TEAD2: variants seen among roughly 807,000 people sequenced by gnomAD.
The protein encoded by TEAD2 is TEA domain transcription factor 2.
TEAD2 carries 51 observed loss-of-function variants against 61.4 expected under a neutral mutation model. That is an observed-to-expected ratio of 0.83 (90% CI 0.66 to 1.05). The LOEUF is 1.05. TEAD2 is among the 50% of genes least tolerant of loss of function. The pLI is 0.00. For synonymous variants in TEAD2, 244 were observed against 243.2 expected, an observed-to-expected ratio of 1.00 and a Z score of -0.03; for missense variants, 509 against 600.0, an observed-to-expected ratio of 0.85 and a Z score of 1.58.
intron 7 of TEAD2, 114 bp from the exon 8 acceptor site, chr19:49,351,479 C>T: frequency 1.0e-6 from 1 of 968,230 alleles, no homozygotes; most frequent in South Asian, 1.6e-5. Flanking sequence ...TGCACAATCT[C>T]ACTGAAGCCT....
intron 10 of TEAD2, among the ~76,000 whole-genome samples, chr19:49,344,841 A>C (rs1369841343): frequency 6.6e-6 from 1 of 152,148 alleles, no homozygotes; most frequent in Non-Finnish European, 1.5e-5. Context: ...CCCAGTGGCC[A>C]AGTGTGTGTA....
intron 3 of TEAD2, among the ~76,000 whole-genome samples, chr19:49,358,652 G>A (rs922067732): frequency 2.4e-4 from 27 of 111,692 alleles, no homozygotes; most frequent in Non-Finnish European, 4.7e-4. Flanking sequence ...TTTTTTTTTT[G>A]AGGTGGAGTC....
chr19:49,361,160 G>A (rs954263046), intron 1 of TEAD2, among the ~76,000 whole-genome samples: 143 of 95,982 alleles, frequency 1.5e-3, no homozygotes, highest in East Asian at 2.0e-3. Context: ...GAGACCGGGG[G>A]GGGGGGACAG....
rs1245713761 is a variant in TEAD2 at position 49,355,165 on chromosome 19, G to A, written c.522C>T (p.Pro174=). Residue 174 remains proline (P), a synonymous_variant, in exon 7 of 13, where the codon CCC becomes CCT. Transcript: ENST00000593945. The part of the protein sequence containing the change: ...LFQFWSGGSG[P]PWNVPDVKPF... ...GTACTCACTCTGGAACATTCCAGGG[G>A]GGCCCAGATCCTCCAGACCAAAACT... 1.2e-6 allele frequency: 2 copies of A among 1,610,656 alleles called. No individual in the cohort carries two copies. The highest frequency in any genetic ancestry group is 2.7e-5 in the African/African-American group (2 of 74,858).
At chr19:49,342,389 T>C in intron 12 of TEAD2, 49 bp downstream of exon 12, 1 of 1,600,292 alleles carries the variant, frequency 6.2e-7, no homozygotes. Context: ...TTATAGGTAC[T>C]GTCCCTCCAC....
chr19:49,344,346 T>A (rs961999450), intron 10 of TEAD2, among the ~76,000 whole-genome samples: 2 of 151,938 alleles, frequency 1.3e-5, no homozygotes, highest in African/African-American at 4.8e-5. Flanking sequence ...AATGCCGCGA[T>A]CTTGACTCAC....
At position 49,347,258 on chromosome 19, in the gene TEAD2, T is replaced by G. The variant is rs750015569; in HGVS notation, c.853A>C (p.Lys285Gln). The part of the protein sequence containing the change: ...VRQIYDKFPE[K>Q]KGGLRELYDR... ...TATAGCTCTCGGAGGCCACCCTTTT[T>G]CTCAGGGAATTTGTCGTAGATCTGC... The change falls in exon 10 of 13, where the codon AAA becomes CAA. Residue 285 changes from lysine (K) to glutamine (Q), a missense_variant. Physicochemically the swap from Lys to Gln is moderately conservative, Grantham distance 53. Coordinates refer to ENST00000593945, the MANE Select transcript of TEAD2 (RefSeq NM_001256660.2). 6.2e-6 allele frequency: 10 copies of G among 1,614,110 alleles called. No homozygotes were observed. The highest frequency in any genetic ancestry group is 7.6e-6 in the Non-Finnish European group (9 of 1,180,012).
At chr19:49,360,752 GGGAGGGGGAC>G (rs1972798550) in intron 1 of TEAD2, among the ~76,000 whole-genome samples, 2 of 85,234 alleles carry the variant, frequency 2.3e-5, no homozygotes, top group African/African-American at 4.1e-5. Flanking sequence ...GACCCAGAGA[GGGAGGGGGAC>G]AGAGACCCAG....
chr19:49,353,684 G>A (rs1347045777), intron 7 of TEAD2, among the ~76,000 whole-genome samples: 2 of 150,200 alleles, frequency 1.3e-5, no homozygotes, highest in Non-Finnish European at 3.0e-5. Context: ...TCAGCCCCCA[G>A]GTACTTGATC....
At position 49,341,166 on chromosome 19, in the gene TEAD2, G is replaced by T. The variant is rs1396319446; in HGVS notation, c.*158C>A. The stretch of plus-strand genomic sequence containing the variant: ...TCAGCTCTCCAACCAAGTTTTGGGG[G>T]CCCCTCTAATGGGGGGGATGGCCCC... On this transcript the variant is annotated 3_prime_UTR_variant, in exon 13 of 13. Transcript: ENST00000593945. This position sits in a 1 kb window ranked among gnomAD's most constrained non-coding sequence, Gnocchi z 4.2. 1 of 634,916 alleles carries T rather than the reference G, an allele frequency of 1.6e-6. No individual in the cohort carries two copies. The highest frequency in any genetic ancestry group is 1.8e-5 in the African/African-American group (1 of 54,486). The allele number at this position is 634,916 out of a possible 1,614,324, so 39.3% of individuals were successfully genotyped here.
In TEAD2 at chr19:49,359,618, C is replaced by T; in HGVS notation, c.233-119G>A. The T allele has an allele frequency of 8.1e-7, 1 of 1,232,958 alleles. No individual in the cohort carries two copies. The highest frequency in any genetic ancestry group is 1.2e-6 in the Non-Finnish European group (1 of 850,118). The allele number at this position is 1,232,958 out of a possible 1,614,324, so 76.4% of individuals were successfully genotyped here. On this transcript the variant is annotated intron_variant, in intron 2 of 12. Transcript: ENST00000593945. The surrounding 1 kb of genome is among the most constrained non-coding windows in gnomAD (Gnocchi z 4.1). ...CCAAAGGTCTGCAGCAAGTGGGCTGCCGGTCCCCTCAGCTACGTGGAAGCC... is the reference window on the plus strand; with the variant it reads ...CCAAAGGTCTGCAGCAAGTGGGCTGTCGGTCCCCTCAGCTACGTGGAAGCC...
intron 7 of TEAD2, among the ~76,000 whole-genome samples, chr19:49,354,331 C>T (rs1972232107): frequency 6.6e-6 from 1 of 151,584 alleles, no homozygotes; most frequent in Admixed American, 6.6e-5. Context: ...TAGCAAGACC[C>T]CCGTCTCTAC....
intron 8 of TEAD2, among the ~76,000 whole-genome samples, chr19:49,350,718 C>T (rs1971961356): frequency 5.3e-5 from 8 of 152,206 alleles, no homozygotes; most frequent in Admixed American, 4.6e-4. Context: ...AACATACCTC[C>T]CCCATGTCTC....
rs1318076810 is a variant in TEAD2 at position 49,357,252 on chromosome 19, C to T, written c.360G>A (p.Lys120=). The T allele has an allele frequency of 6.2e-7, 1 of 1,613,384 alleles. No homozygotes were observed. Among genetic ancestry groups the T allele is most frequent in the Non-Finnish European group, 8.5e-7 (1 of 1,179,834 alleles). Reference sequence around the variant, plus strand: ...TCAGGATGTCTGCATTGGTCCCTACCTTCAACTTGGACTGGATTTCCCTTG... The same window carrying T: ...TCAGGATGTCTGCATTGGTCCCTACTTTCAACTTGGACTGGATTTCCCTTG... ...RKSREIQSKL[K]ALNVDQVSKD... Residue 120 remains lysine (K), a splice_region_variant and synonymous_variant, in exon 4 of 13, where the codon AAG becomes AAA. Coordinates refer to ENST00000593945, the MANE Select transcript of TEAD2 (RefSeq NM_001256660.2).
intron 7 of TEAD2, among the ~76,000 whole-genome samples, chr19:49,353,899 C>T (rs1972185425): frequency 6.6e-6 from 1 of 151,584 alleles, no homozygotes; most frequent in Non-Finnish European, 1.5e-5. Flanking sequence ...TCCTGCCTCA[C>T]CCTCCTGAGT....
intron 3 of TEAD2, among the ~76,000 whole-genome samples, chr19:49,358,456 C>T (rs1163520587): frequency 6.6e-6 from 1 of 151,962 alleles, no homozygotes; most frequent in East Asian, 1.9e-4. Flanking sequence ...TAAAAAGAGT[C>T]TGGGACCTCT....
chr19:49,353,962 T>A (rs1432089486), intron 7 of TEAD2, among the ~76,000 whole-genome samples: 58 of 150,976 alleles, frequency 3.8e-4, no homozygotes, highest in Non-Finnish European at 5.9e-4. Flanking sequence ...TTTTTGTTTT[T>A]TTTTTTTTGG....
intron 7 of TEAD2, among the ~76,000 whole-genome samples, chr19:49,353,355 T>C (rs983186222): frequency 1.1e-4 from 16 of 151,986 alleles, no homozygotes; most frequent in Admixed American, 1.3e-4. Context: ...CTCCTTGGCC[T>C]CCCAAAGTGC....
intron 10 of TEAD2, among the ~76,000 whole-genome samples, chr19:49,345,874 C>A (rs1971595507): frequency 6.6e-6 from 1 of 151,702 alleles, no homozygotes; most frequent in East Asian, 1.9e-4. Context: ...ACTAAAAATA[C>A]AAAAATTAGG....
Sources: allele counts gnomAD v4.1 joint callset (sites outside exome capture counted in the v4.1 genomes callset), GRCh38; gene constraint gnomAD v4.1.1; non-coding constraint Gnocchi (gnomAD v3.1); transcripts MANE v1.5; gene names NCBI Gene and HGNC (gene_info 2026-07-23, HGNC 2026-07-21).